Variants in SERPINI1 observed in about 807,000 individuals in gnomAD.
The protein encoded by SERPINI1 is neuroserpin.
Under a neutral mutation model 41.1 loss-of-function variants are expected in SERPINI1, and 19 were observed. The observed-to-expected ratio is 0.46, with a 90% CI of 0.32 to 0.68. The LOEUF is 0.68. Ranked by LOEUF, SERPINI1 falls within the 30% of genes least tolerant of loss-of-function variation. The pLI, the probability that SERPINI1 is intolerant of heterozygous loss-of-function variation, is 0.03. For missense variants in SERPINI1, 460 were observed against 479.2 expected, an observed-to-expected ratio of 0.96 and a Z score of 0.37; for synonymous variants, 138 against 156.6, an observed-to-expected ratio of 0.88 and a Z score of 0.89.
intron 4 of SERPINI1, 144 bp from the exon 5 acceptor site, chr3:167,794,476 C>A: frequency 3.6e-6 from 2 of 551,786 alleles, no homozygotes; most frequent in South Asian, 3.3e-5. Context: ...ACATGAAAAA[C>A]TTCTTTAGTG....
At chr3:167,741,954 G>A (rs542573736) in intron 1 of SERPINI1, among the ~76,000 whole-genome samples, 3 of 152,032 alleles carry the variant, frequency 2.0e-5, no homozygotes, top group South Asian at 2.1e-4. Context: ...TTGTGCACAA[G>A]GTATATTAAC....
chr3:167,822,073 T>C (rs1206241258), intron 6 of SERPINI1, among the ~76,000 whole-genome samples: 1 of 152,192 alleles, frequency 6.6e-6, no homozygotes, highest in Non-Finnish European at 1.5e-5. Context: ...TATAGAAACA[T>C]CCAGACAGTT....
chr3:167,800,405 C>G (rs1727861595), intron 5 of SERPINI1, among the ~76,000 whole-genome samples: 1 of 152,160 alleles, frequency 6.6e-6, no homozygotes. Context: ...CTGTGTTAAT[C>G]TTATAGGTAG....
At chr3:167,814,649 C>T (rs1246199694) in intron 6 of SERPINI1, among the ~76,000 whole-genome samples, 2 of 152,224 alleles carry the variant, frequency 1.3e-5, no homozygotes, top group African/African-American at 4.8e-5. Flanking sequence ...ATCTCAGATA[C>T]TTAGAGCCTT....
chr3:167,745,133 C>A (rs1050035140), intron 1 of SERPINI1, among the ~76,000 whole-genome samples: 1 of 151,218 alleles, frequency 6.6e-6, no homozygotes, highest in Non-Finnish European at 1.5e-5. Context: ...ACTACTGAGA[C>A]CAACTTAAGA....
chr3:167,800,473 T>C (rs1228143753), intron 5 of SERPINI1, among the ~76,000 whole-genome samples: 2 of 152,228 alleles, frequency 1.3e-5, no homozygotes, highest in African/African-American at 2.4e-5. Context: ...TTGAATTTTC[T>C]CCTCTTCAGT....
At chr3:167,816,793 G>T (rs1157512265) in intron 6 of SERPINI1, among the ~76,000 whole-genome samples, 1 of 152,102 alleles carries the variant, frequency 6.6e-6, no homozygotes, top group Non-Finnish European at 1.5e-5. Context: ...AGAGCTAGAT[G>T]CTGAGCTTCT....
chr3:167,799,486 A>G (rs1447353066), intron 5 of SERPINI1, among the ~76,000 whole-genome samples: 4 of 152,234 alleles, frequency 2.6e-5, no homozygotes, highest in African/African-American at 9.6e-5. Context: ...TATTGTGAAT[A>G]GTGCTGCAAT....
intron 1 of SERPINI1, among the ~76,000 whole-genome samples, chr3:167,740,139 C>A (rs1280039322): frequency 6.6e-6 from 1 of 151,660 alleles, no homozygotes. Context: ...CTCAAGCACT[C>A]CTCACACCGC....
intron 1 of SERPINI1, among the ~76,000 whole-genome samples, chr3:167,738,834 A>G (rs1298030462): frequency 6.6e-6 from 1 of 151,176 alleles, no homozygotes; most frequent in Non-Finnish European, 1.5e-5. Flanking sequence ...ACTGGAATCA[A>G]ACTGGTATTC....
intron 3 of SERPINI1, among the ~76,000 whole-genome samples, 153 bp from the exon 4 acceptor site, chr3:167,792,437 C>A (rs531296987): frequency 8.5e-4 from 122 of 143,728 alleles, no homozygotes; most frequent in Non-Finnish European, 1.5e-3. Context: ...TAACTCTTTT[C>A]CCTTTGGAAG....
intron 1 of SERPINI1, among the ~76,000 whole-genome samples, chr3:167,762,929 T>C (rs1445468889): frequency 6.6e-6 from 1 of 152,062 alleles, no homozygotes; most frequent in Non-Finnish European, 1.5e-5. Flanking sequence ...GACATTCAAT[T>C]CAAGGAGGGG....
intron 1 of SERPINI1, among the ~76,000 whole-genome samples, chr3:167,772,978 G>GTGTATATATGTGTA (rs1476807338): frequency 2.9e-5 from 4 of 135,726 alleles, no homozygotes; most frequent in Admixed American, 7.5e-5. Flanking sequence ...GTATATATAT[G>GTGTATATATGTGTA]TATATATATA....
In SERPINI1 at chr3:167,819,230, T is replaced by G. The variant is rs55796895; in HGVS notation, c.980-3756T>G. On this transcript the variant is annotated intron_variant, in intron 6 of 8. Coordinates refer to ENST00000446050, the MANE Select transcript of SERPINI1 (RefSeq NM_001122752.2). ...AGTCTCACTATATTGTCTAAGCTGG[T>G]CTTGAGTTTCTGGGCTCAAGTGATC... Among the ~76,000 whole-genome samples, 1,107 of 152,312 alleles carry G rather than the reference T, an allele frequency of 7.3e-3. 6 individuals carry two copies. The highest frequency in any genetic ancestry group is 0.025 in the African/African-American group (1,043 of 41,564).
chr3:167,823,178 G>T, intron 7 of SERPINI1, 106 bp downstream of exon 7: 1 of 806,238 alleles, frequency 1.2e-6, no homozygotes, highest in Non-Finnish European at 2.2e-6. Context: ...AAGTCACTCT[G>T]CTCTAACTTA....
At chr3:167,801,038 G>A (rs1165539687) in intron 5 of SERPINI1, among the ~76,000 whole-genome samples, 4 of 152,268 alleles carry the variant, frequency 2.6e-5, no homozygotes, top group Non-Finnish European at 5.9e-5. Context: ...GGCTGGTCTC[G>A]AACTCCTGAC....
intron 1 of SERPINI1, among the ~76,000 whole-genome samples, chr3:167,775,969 G>GA (rs928473557): frequency 7.3e-5 from 11 of 150,080 alleles, no homozygotes; most frequent in African/African-American, 1.2e-4. Flanking sequence ...AAAAAAAAGC[G>GA]AAAAAAAAAT....
chr3:167,789,007 A>C (rs939560108), intron 1 of SERPINI1, 104 bp from the exon 2 acceptor site: 1 of 1,068,650 alleles, frequency 9.4e-7, no homozygotes, highest in African/African-American at 1.6e-5. Context: ...TGTTCATTTA[A>C]CTGTTAATTG....
intron 1 of SERPINI1, among the ~76,000 whole-genome samples, chr3:167,742,103 G>T (rs1725699463): frequency 6.6e-6 from 1 of 151,992 alleles, no homozygotes; most frequent in Admixed American, 6.5e-5. Context: ...AATTTAAAAT[G>T]CCAATAACTT....
Sources: allele counts gnomAD v4.1 joint callset (sites outside exome capture counted in the v4.1 genomes callset), GRCh38; gene constraint gnomAD v4.1.1; transcripts MANE v1.5; gene names NCBI Gene and HGNC (gene_info 2026-07-23, HGNC 2026-07-21).